The following ROBO1 variants were observed in gnomAD, a reference collection of about 807,000 sequenced individuals.
ROBO1 encodes the protein roundabout homolog 1.
ROBO1 carries 149 observed loss-of-function variants against 195.9 expected under a neutral mutation model. The ratio of observed to expected loss-of-function variants is 0.76; its 90% confidence interval spans 0.67 to 0.87. ROBO1 has a LOEUF of 0.87. Ranked by LOEUF, ROBO1 falls within the 40% of genes least tolerant of loss-of-function variation. The pLI is 0.00. For synonymous variants in ROBO1, 816 were observed against 733.2 expected (o/e 1.11, Z -1.82); for missense variants, 1,933 against 2,068.3 (o/e 0.93, Z 1.27).
chr3:79,138,469 A>G (rs1261188015), intron 2 of ROBO1, among the ~76,000 whole-genome samples: 1 of 152,064 alleles, frequency 6.6e-6, no homozygotes, highest in Non-Finnish European at 1.5e-5. Context: ...TTATCTATCT[A>G]AAATATTATA....
intron 2 of ROBO1, among the ~76,000 whole-genome samples, chr3:79,229,006 A>C (rs2082274575): frequency 6.6e-6 from 1 of 152,168 alleles, no homozygotes; most frequent in Non-Finnish European, 1.5e-5. Flanking sequence ...TATTCCATAA[A>C]ATGTTTTTTC....
intron 8 of ROBO1, among the ~76,000 whole-genome samples, chr3:78,699,669 T>C (rs1363034988): frequency 6.6e-6 from 1 of 151,920 alleles, no homozygotes; most frequent in Non-Finnish European, 1.5e-5. Flanking sequence ...CATGGTCCTA[T>C]TGCTTTTAAA....
chr3:79,579,035 C>A (rs1943579038), intron 2 of ROBO1, among the ~76,000 whole-genome samples: 1 of 152,132 alleles, frequency 6.6e-6, no homozygotes, highest in South Asian at 2.1e-4. Context: ...TACAAAGACC[C>A]TTCCTTAAAA....
intron 8 of ROBO1, among the ~76,000 whole-genome samples, chr3:78,697,566 G>T (rs1414111816): frequency 6.6e-6 from 1 of 152,112 alleles, no homozygotes; most frequent in Non-Finnish European, 1.5e-5. Context: ...GTCTAGAAAA[G>T]AAGCAGTTAA....
At chr3:79,369,343 T>A (rs189889019) in intron 2 of ROBO1, among the ~76,000 whole-genome samples, 191 of 152,344 alleles carry the variant, frequency 1.3e-3, no homozygotes, top group African/African-American at 3.5e-3. Flanking sequence ...ATAAGTTCCA[T>A]GTGTAAAATC....
At chr3:79,496,845 A>G (rs1006497292) in intron 2 of ROBO1, among the ~76,000 whole-genome samples, 17 of 137,798 alleles carry the variant, frequency 1.2e-4, no homozygotes, top group African/African-American at 4.1e-4. Flanking sequence ...ATACTATCAC[A>G]TATGTAAATC....
intron 2 of ROBO1, among the ~76,000 whole-genome samples, chr3:79,485,404 T>C (rs1487419546): frequency 1.3e-5 from 2 of 152,136 alleles, no homozygotes; most frequent in Non-Finnish European, 2.9e-5. Flanking sequence ...GAAAACGGAA[T>C]AAGTAATGAC....
intron 2 of ROBO1, among the ~76,000 whole-genome samples, chr3:79,147,826 A>G (rs1031105575): frequency 1.9e-4 from 29 of 151,944 alleles, no homozygotes; most frequent in Non-Finnish European, 4.4e-5. Context: ...TTATGCTAAT[A>G]CATGTTGATT....
At chr3:79,597,228 T>C (rs191180877) in intron 1 of ROBO1, among the ~76,000 whole-genome samples, 4 of 152,064 alleles carry the variant, frequency 2.6e-5, no homozygotes, top group African/African-American at 9.6e-5. Flanking sequence ...TTAACTCTAC[T>C]GATAATTTGC....
At chr3:79,601,435 C>T (rs770283810) in intron 1 of ROBO1, among the ~76,000 whole-genome samples, 5 of 151,914 alleles carry the variant, frequency 3.3e-5, no homozygotes, top group Admixed American at 1.3e-4. Context: ...TCTATAAGCA[C>T]GGACTTGAAG....
intron 8 of ROBO1, among the ~76,000 whole-genome samples, chr3:78,708,026 G>A (rs2081594760): frequency 6.6e-6 from 1 of 152,200 alleles, no homozygotes; most frequent in Admixed American, 6.5e-5. Context: ...ATGGGAACAT[G>A]ATCACTCTGG....
intron 2 of ROBO1, among the ~76,000 whole-genome samples, chr3:79,417,551 T>C (rs1233613258): frequency 6.6e-6 from 1 of 152,160 alleles, no homozygotes. Context: ...GGTAATTTAT[T>C]ACACAGCAAT....
intron 2 of ROBO1, among the ~76,000 whole-genome samples, chr3:79,582,087 T>G (rs1229488578): frequency 6.6e-6 from 1 of 151,860 alleles, no homozygotes; most frequent in African/African-American, 2.4e-5. Context: ...ATTATGAATT[T>G]AAGTTAATCA....
chr3:79,100,949 C>T (rs2108510109), intron 3 of ROBO1, among the ~76,000 whole-genome samples: 1 of 151,842 alleles, frequency 6.6e-6, no homozygotes, highest in South Asian at 2.1e-4. Flanking sequence ...AGCTGGTTGG[C>T]TAAACTGAAT....
At chr3:78,646,090 A>C (rs1317028750) in intron 21 of ROBO1, 58 bp downstream of exon 21, 3 of 1,417,534 alleles carry the variant, frequency 2.1e-6, no homozygotes, top group Non-Finnish European at 3.0e-6. Flanking sequence ...GTCATTGAGG[A>C]AGATGAAGAA....
chr3:78,771,233 C>G (rs1007476130), intron 4 of ROBO1, among the ~76,000 whole-genome samples: 4 of 152,168 alleles, frequency 2.6e-5, no homozygotes, highest in African/African-American at 9.7e-5. Flanking sequence ...TCTGGGTTCT[C>G]TATTCCATTG....
intron 4 of ROBO1, among the ~76,000 whole-genome samples, chr3:78,936,111 G>T (rs2039791875): frequency 6.6e-6 from 1 of 151,622 alleles, no homozygotes; most frequent in South Asian, 2.1e-4. Context: ...GAATAACTTT[G>T]GTGCATTACT....
chr3:79,165,295 A>G (rs562127134), intron 2 of ROBO1, among the ~76,000 whole-genome samples: 1 of 152,344 alleles, frequency 6.6e-6, no homozygotes, highest in South Asian at 2.1e-4. Flanking sequence ...GTACATGTAG[A>G]TATCAGGCAT....
intron 3 of ROBO1, among the ~76,000 whole-genome samples, chr3:78,996,652 T>C (rs1290989156): frequency 2.0e-5 from 3 of 152,066 alleles, no homozygotes; most frequent in Non-Finnish European, 4.4e-5. Flanking sequence ...ATGCAGAACA[T>C]ATTTAAATGA....
Sources: gnomAD v4.1 joint callset for allele counts (sites outside exome capture counted in the v4.1 genomes callset) on GRCh38, gnomAD v4.1.1 for gene constraint, MANE v1.5 for transcripts, NCBI Gene and HGNC (gene_info 2026-07-23, HGNC 2026-07-21) for gene names.